Variants in RCOR2 observed in about 807,000 individuals in gnomAD.
RCOR2 encodes the protein REST corepressor 2.
RCOR2 carries 19 observed loss-of-function variants against 58.9 expected under a neutral mutation model. The observed-to-expected ratio is 0.32, with a 90% CI of 0.23 to 0.47. The LOEUF (loss-of-function observed/expected upper bound fraction) is 0.47, where lower values mean the gene tolerates loss of function less well. RCOR2 is among the 20% of genes least tolerant of loss of function. RCOR2 has a pLI of 1.00. For missense variants in RCOR2, 590 were observed against 707.9 expected, an observed-to-expected ratio of 0.83 and a Z score of 1.89; for synonymous variants, 286 against 278.7, an observed-to-expected ratio of 1.03 and a Z score of -0.26.
At chr11:63,925,732 C>G in the RCOR2 span, among the ~76,000 whole-genome samples, 1 of 150,582 alleles carries the variant, frequency 6.6e-6, no homozygotes, top group Non-Finnish European at 1.5e-5. Context: ...GTGGGAGGAT[C>G]GCTTGAACCC....
Position 63,912,196 on chromosome 11 carries a change from G to T in RCOR2, c.1258-17C>A. ...AATCTGGACCTGAGGGGAGAGGAAAGAGTGAGAAGCCAGGCTCTTCCCGCC... is the reference window on the plus strand; with the variant it reads ...AATCTGGACCTGAGGGGAGAGGAAATAGTGAGAAGCCAGGCTCTTCCCGCC... On this transcript the variant is annotated splice_polypyrimidine_tract_variant and intron_variant, in intron 11 of 11. Transcript: ENST00000301459. 1 of 1,579,922 alleles carries T rather than the reference G, an allele frequency of 6.3e-7. No homozygotes were observed. The highest frequency in any genetic ancestry group is 2.3e-5 in the East Asian group (1 of 42,942).
chr11:63,914,376 C>T (rs775731965), intron 6 of RCOR2, 41 bp downstream of exon 6: 5 of 1,613,268 alleles, frequency 3.1e-6, no homozygotes, highest in Non-Finnish European at 4.2e-6. Flanking sequence ...CTGCCAGGAG[C>T]TCTACCTACC....
chr11:63,916,602 C>A lies in RCOR2; in HGVS notation c.-146G>T. 7.3e-7 allele frequency: 1 copy of A among 1,373,990 alleles called. No homozygotes were observed. Among genetic ancestry groups the A allele is most frequent in the Non-Finnish European group, 9.6e-7 (1 of 1,046,966 alleles). 85.1% of individuals were successfully genotyped at this position (1,373,990 alleles called of 1,614,324 possible). ...GCAGGAGGTCAGCGTGGCTAGGGTC[C>A]GGCGGGGTGGGAGCCCACCTGGTAG... On this transcript the variant is annotated 5_prime_UTR_variant, in exon 1 of 12. Coordinates refer to ENST00000301459, the MANE Select transcript of RCOR2 (RefSeq NM_173587.4).
At chr11:63,925,849 C>T in the RCOR2 span, among the ~76,000 whole-genome samples, 3 of 151,716 alleles carry the variant, frequency 2.0e-5, no homozygotes, top group South Asian at 2.1e-4. Context: ...CACCTGAACC[C>T]GGAGGTGGAG....
upstream of RCOR2, among the ~76,000 whole-genome samples, chr11:63,922,135 T>C (rs1941918738): frequency 6.6e-6 from 1 of 152,202 alleles, no homozygotes; most frequent in Non-Finnish European, 1.5e-5. Flanking sequence ...CCTCACCAGA[T>C]TCCAGCACCA....
At chr11:63,913,185 T>TATATATA (rs1491388421) in intron 8 of RCOR2, among the ~76,000 whole-genome samples, 15 of 40,554 alleles carry the variant, frequency 3.7e-4, no homozygotes, top group African/African-American at 1.0e-3. Context: ...TATATATATA[T>TATATATA]TTTTTTTTTT....
At position 63,911,904 on chromosome 11, in the gene RCOR2, CAG is replaced by C. The variant is rs1941765939; in HGVS notation, c.1531_1532del (p.Leu511AspfsTer44). 1.8e-6 allele frequency: 2 copies of C among 1,135,156 alleles called. No homozygotes were observed. The highest frequency in any genetic ancestry group is 2.4e-6 in the Non-Finnish European group (2 of 839,582). 70.3% of individuals were successfully genotyped at this position (1,135,156 alleles called of 1,614,324 possible). On this transcript the variant is annotated frameshift_variant, in exon 12 of 12. Coordinates refer to ENST00000301459, the MANE Select transcript of RCOR2 (RefSeq NM_173587.4). LOFTEE classifies it high-confidence loss of function. ...CTGGGGGCTCCAGAGGGGTTCCAAT[CAG>C]GGTGGGTGGGGGCTGAGGGCCAGGG... The part of the protein sequence containing the change: ...ARPGPQPPPT[L>X]IGTPLEPPAP...
In RCOR2 at chr11:63,916,402, G is replaced by T; in HGVS notation, c.55C>A (p.Arg19=). The T allele has an allele frequency of 6.2e-7, 1 of 1,607,558 alleles. No individual in the cohort carries two copies. Residue 19 remains arginine (R), a synonymous_variant, in exon 1 of 12, where the codon CGG becomes AGG. Coordinates refer to ENST00000301459, the MANE Select transcript of RCOR2 (RefSeq NM_173587.4). ...SAGSGILSRS[R]AKTVPNGGQP... The stretch of plus-strand genomic sequence containing the variant: ...CCGCCGTTGGGCACCGTCTTGGCCC[G>T]GCTACGGGACAGGATCCCAGAGCCC...
rs1280128141 is a variant in RCOR2, at chr11:63,914,963, G to A, written c.266-9C>T. The A allele has an allele frequency of 1.2e-6, 2 of 1,613,892 alleles. No individual in the cohort carries two copies. Among genetic ancestry groups the A allele is most frequent in the Admixed American group, 1.7e-5 (1 of 60,032 alleles). ...CGCAATGTACTTGTCAACTGCAGGG[G>A]CAGCAGGGGCAGGGTCTTGGTGAAG... On this transcript the variant is annotated splice_polypyrimidine_tract_variant and intron_variant, in intron 3 of 11. Coordinates refer to ENST00000301459, the MANE Select transcript of RCOR2 (RefSeq NM_173587.4).
rs563885704 is a variant in RCOR2, at chr11:63,912,623, G to C, written c.1027+53C>G. On this transcript the variant is annotated intron_variant, in intron 10 of 11. Coordinates refer to ENST00000301459, the MANE Select transcript of RCOR2 (RefSeq NM_173587.4). The stretch of plus-strand genomic sequence containing the variant: ...CCCCTCTGCCCCCCCACTCCTTGGA[G>C]GGTGGGGAGATAGATTCCTGGGGTC... 1.9e-5 allele frequency: 31 copies of C among 1,601,222 alleles called. No individual in the cohort carries two copies. The African/African-American group carries it at 3.6e-4, about 19-fold the overall frequency.
the RCOR2 span, among the ~76,000 whole-genome samples, chr11:63,926,635 G>A: frequency 6.6e-6 from 1 of 151,174 alleles, no homozygotes; most frequent in Non-Finnish European, 1.5e-5. Flanking sequence ...ACAGGCGCTC[G>A]CCACCACACT....
In RCOR2 at chr11:63,912,537, G is replaced by A; in HGVS notation, c.1028-3C>T. On this transcript the variant is annotated splice_polypyrimidine_tract_variant and splice_region_variant and intron_variant, in intron 10 of 11. Transcript: ENST00000301459. ...GTCTTTGCCATACCTACGGATGGCT[G>A]CAAGGGTCAAAAGGGCAGCAGCGTC... The A allele has an allele frequency of 1.2e-6, 2 of 1,609,546 alleles. No homozygotes were observed. Among genetic ancestry groups the A allele is most frequent in the Non-Finnish European group, 1.7e-6 (2 of 1,175,992 alleles).
chr11:63,916,663 G>C lies in RCOR2; in HGVS notation c.-207C>G. 3 of 833,700 alleles carry C rather than the reference G, an allele frequency of 3.6e-6. No homozygotes were observed. The highest frequency in any genetic ancestry group is 5.4e-6 in the Non-Finnish European group (3 of 560,090). 51.6% of individuals were successfully genotyped at this position (833,700 alleles called of 1,614,324 possible). ...CTCCACGACCCCCACGAGCCAGGGC[G>C]TCAGAAAAGTTTGTGCAGAAGTGGG... On this transcript the variant is annotated 5_prime_UTR_variant, in exon 1 of 12. Transcript: ENST00000301459.
Position 63,916,421 on chromosome 11 carries a change from A to G in RCOR2, c.36T>C (p.Ser12=). 6.2e-7 allele frequency: 1 copy of G among 1,607,846 alleles called. No homozygotes were observed. Among genetic ancestry groups the G allele is most frequent in the African/African-American group, 1.3e-5 (1 of 74,990 alleles). The change falls in exon 1 of 12, where the codon TCT becomes TCC. Residue 12 remains serine (S), a synonymous_variant. Transcript: ENST00000301459. The stretch of plus-strand genomic sequence containing the variant: ...TGGCCCGGCTACGGGACAGGATCCC[A>G]GAGCCCGCGCTCGGCTTCTCCATCA... ...PSVMEKPSAG[S]GILSRSRAKT...
At chr11:63,913,662 T>C (rs1418840728) in intron 8 of RCOR2, among the ~76,000 whole-genome samples, 1 of 152,160 alleles carries the variant, frequency 6.6e-6, no homozygotes, top group East Asian at 1.9e-4. Context: ...TTTGTATTTT[T>C]AGTAGAGACA....
At chr11:63,915,441 C>A (rs1051064449) in intron 2 of RCOR2, 114 bp downstream of exon 2, 3 of 1,240,756 alleles carry the variant, frequency 2.4e-6, no homozygotes, top group Non-Finnish European at 3.4e-6. Flanking sequence ...GGGCCACCCA[C>A]CCCTGCCAGC....
rs1452329719 is a variant in RCOR2 at position 63,912,241 on chromosome 11, C to A, written c.1258-62G>T. ...CCCGCCCTCAGCCCAGTCTAAGGAC[C>A]AAGGCGGCGCCTCACCTCGCCTCGC... On this transcript the variant is annotated intron_variant, in intron 11 of 11. Coordinates refer to ENST00000301459, the MANE Select transcript of RCOR2 (RefSeq NM_173587.4). 6 of 1,598,420 alleles carry A rather than the reference C, an allele frequency of 3.8e-6. No homozygotes were observed. The Admixed American group carries it at 1.0e-4, about 27-fold the overall frequency.
the RCOR2 span, among the ~76,000 whole-genome samples, chr11:63,926,824 C>CATTT: frequency 1.2e-4 from 16 of 129,914 alleles, no homozygotes; most frequent in Non-Finnish European, 1.8e-4. Flanking sequence ...TGTTTGTTTT[C>CATTT]ATTTATTTAT....
chr11:63,919,130 G>A (rs1482303362), upstream of RCOR2, among the ~76,000 whole-genome samples: 1 of 152,084 alleles, frequency 6.6e-6, no homozygotes, highest in East Asian at 1.9e-4. Flanking sequence ...TGAGGCTTCT[G>A]CCTAGGAGGT....
Sources: gnomAD v4.1 joint callset for allele counts (sites outside exome capture counted in the v4.1 genomes callset) on GRCh38, gnomAD v4.1.1 for gene constraint, MANE v1.5 for transcripts, NCBI Gene and HGNC (gene_info 2026-07-23, HGNC 2026-07-21) for gene names.